Variants in PRSS3 observed in about 807,000 individuals in gnomAD.
PRSS3 encodes the protein trypsin-3.
In PRSS3, 14 loss-of-function variants were observed where a neutral mutation model predicts 20.8. The observed-to-expected ratio is 0.67, with a 90% confidence interval of 0.44 to 1.05. The LOEUF is 1.05. PRSS3 is among the 50% of genes least tolerant of loss of function. PRSS3 has a pLI of 0.00. For synonymous variants in PRSS3, 91 were observed against 117.6 expected, an observed-to-expected ratio of 0.77 and a Z score of 1.46; for missense variants, 237 against 306.4, an observed-to-expected ratio of 0.77 and a Z score of 1.69.
chr9:33,795,676 C>A, intron 1 of PRSS3, 63 bp downstream of exon 1: 8 of 1,569,182 alleles, frequency 5.1e-6, no homozygotes, highest in Non-Finnish European at 6.1e-6. Flanking sequence ...CATGCCCTGC[C>A]ATTCTTGCCA....
At chr9:33,756,693 G>A (rs1184952944) in intron 1 of PRSS3, among the ~76,000 whole-genome samples, 2 of 152,092 alleles carry the variant, frequency 1.3e-5, no homozygotes, top group Non-Finnish European at 2.9e-5. Flanking sequence ...TTTTATTGGC[G>A]AGAGGTGTGG....
intron 1 of PRSS3, among the ~76,000 whole-genome samples, chr9:33,781,956 G>A (rs923999205): frequency 6.6e-6 from 1 of 152,220 alleles, no homozygotes; most frequent in Non-Finnish European, 1.5e-5. Flanking sequence ...AGTCTTTGAA[G>A]GGAGTTGCAG....
chr9:33,767,184 G>A (rs1431868871), intron 1 of PRSS3, among the ~76,000 whole-genome samples: 1 of 152,192 alleles, frequency 6.6e-6, no homozygotes, highest in Non-Finnish European at 1.5e-5. Context: ...GCCAGGCCTG[G>A]TGGCTCACAC....
chr9:33,777,616 G>A (rs991796524), intron 1 of PRSS3, among the ~76,000 whole-genome samples: 1 of 150,014 alleles, frequency 6.7e-6, no homozygotes. Context: ...GCTGAGGCAG[G>A]AAAATGGCGT....
chr9:33,785,255 G>A (rs1824350825), intron 1 of PRSS3, among the ~76,000 whole-genome samples: 1 of 131,016 alleles, frequency 7.6e-6, no homozygotes, highest in South Asian at 2.6e-4. Flanking sequence ...TTGGCTCACT[G>A]CAAGCTCCGC....
In PRSS3 at chr9:33,779,344, C is replaced by T. The variant is rs937808875; in HGVS notation, c.-52-15402C>T. 3.3e-5 allele frequency among the ~76,000 whole-genome samples: 5 copies of T among 152,204 alleles called. No homozygotes were observed. In the South Asian group the frequency reaches 8.3e-4, roughly 25 times the overall value. On this transcript the variant is annotated intron_variant, in intron 1 of 5. Transcript: ENST00000342836. ...CTCAATCCAAGGAATCCAAGTAACC[C>T]GGTAAAATGATCCAAGAACTGAAAG...
At chr9:33,774,887 G>A (rs956921609) in intron 1 of PRSS3, among the ~76,000 whole-genome samples, 1 of 152,110 alleles carries the variant, frequency 6.6e-6, no homozygotes, top group Admixed American at 6.5e-5. Context: ...TTGGAAGGCT[G>A]AGGCAGGAGA....
At chr9:33,760,857 T>A (rs1156404953) in intron 1 of PRSS3, among the ~76,000 whole-genome samples, 1 of 152,002 alleles carries the variant, frequency 6.6e-6, no homozygotes, top group Non-Finnish European at 1.5e-5. Flanking sequence ...TCTGACTCAG[T>A]GGCCAGTGTT....
chr9:33,799,147 C>G lies in PRSS3; in HGVS notation c.711C>G (p.Asp237Glu), dbSNP rs1386677880. 2 of 1,614,086 alleles carry G rather than the reference C, an allele frequency of 1.2e-6. No individual in the cohort carries two copies. Among genetic ancestry groups the G allele is most frequent in the Admixed American group, 3.3e-5 (2 of 60,010 alleles). The change falls in exon 5 of 5, where the codon GAC becomes GAG. Residue 237 changes from aspartate to glutamate, a missense_variant. Transcript: ENST00000379405. ...ACACCAAGGTCTACAACTATGTGGACTGGATTAAGGACACCATCGCTGCCA... is the reference window on the plus strand; with the variant it reads ...ACACCAAGGTCTACAACTATGTGGAGTGGATTAAGGACACCATCGCTGCCA... ...GVYTKVYNYV[D>E]WIKDTIAANS
chr9:33,791,277 G>C (rs1460990792), upstream of PRSS3, among the ~76,000 whole-genome samples: 1 of 152,220 alleles, frequency 6.6e-6, no homozygotes, highest in Non-Finnish European at 1.5e-5. Context: ...GTGGCTCTGG[G>C]GTGGAAGGTT....
chr9:33,791,826 T>C (rs1824645071), upstream of PRSS3, among the ~76,000 whole-genome samples: 2 of 152,174 alleles, frequency 1.3e-5, no homozygotes, highest in South Asian at 4.1e-4. Flanking sequence ...TACCCATACA[T>C]GGAAGCCTGA....
chr9:33,797,806 A>G (rs1382623439), intron 2 of PRSS3, 23 bp from the exon 3 acceptor site: 2 of 1,614,108 alleles, frequency 1.2e-6, no homozygotes, highest in African/African-American at 1.3e-5. Context: ...GAAGGTCTTC[A>G]CCATGCCTGC....
intron 1 of PRSS3, chr9:33,761,977 A>G (rs1432856317): frequency 2.0e-5 from 3 of 152,204 alleles, no homozygotes; most frequent in Non-Finnish European, 2.9e-5. Context: ...ACCTGACTGT[A>G]TACAGCTCTC....
chr9:33,787,656 G>C (rs1824466713), intron 1 of PRSS3, among the ~76,000 whole-genome samples: 1 of 152,174 alleles, frequency 6.6e-6, no homozygotes, highest in Admixed American at 6.5e-5. Context: ...CCTGCTGCTT[G>C]GGCCATAGAC....
chr9:33,754,047 C>A (rs76557466), intron 1 of PRSS3, among the ~76,000 whole-genome samples: 5,728 of 151,140 alleles, frequency 0.038, 149 homozygotes, highest in Non-Finnish European at 0.054. Context: ...TTTTTCTTTT[C>A]TTTTCTCTCT....
At chr9:33,775,361 G>A (rs1823875347) in intron 1 of PRSS3, among the ~76,000 whole-genome samples, 1 of 152,178 alleles carries the variant, frequency 6.6e-6, no homozygotes, top group Non-Finnish European at 1.5e-5. Context: ...TGGCTGGGGG[G>A]TTGAAAATCC....
Position 33,796,717 on chromosome 9 carries a change from G to A in PRSS3, c.115G>A (p.Val39Met), listed in dbSNP as rs143037213. 3 of 1,614,008 alleles carry A rather than the reference G, an allele frequency of 1.9e-6. No homozygotes were observed. Among genetic ancestry groups the A allele is most frequent in the African/African-American group, 1.3e-5 (1 of 75,050 alleles). ...TGAGGAGAATTCTCTCCCCTACCAG[G>A]TGTCCCTGAATTCTGGCTCCCACTT... ...TCEENSLPYQ[V>M]SLNSGSHFCG... Residue 39 changes from valine (V) to methionine (M), a missense_variant, in exon 2 of 5, where the codon GTG becomes ATG. Coordinates refer to ENST00000379405, the MANE Select transcript of PRSS3 (RefSeq NM_002771.4).
Position 33,753,465 on chromosome 9 carries a change from G to A in PRSS3, c.-53+2738G>A, listed in dbSNP as rs1320891382. Among the ~76,000 whole-genome samples, 3 of 152,318 alleles carry A rather than the reference G, an allele frequency of 2.0e-5. No homozygotes were observed. In the South Asian group the frequency reaches 6.2e-4, roughly 32 times the overall value. ...AGATTATTGCTCCTTCTGTCATGTGGTCTCTTGAGAATTTGCCAAATGTAT... is the reference window on the plus strand; with the variant it reads ...AGATTATTGCTCCTTCTGTCATGTGATCTCTTGAGAATTTGCCAAATGTAT... On this transcript the variant is annotated intron_variant, in intron 1 of 5. Coordinates refer to the PRSS3 transcript ENST00000342836.
At chr9:33,775,470 C>A in intron 1 of PRSS3, among the ~76,000 whole-genome samples, 1 of 151,658 alleles carries the variant, frequency 6.6e-6, no homozygotes, top group East Asian at 1.9e-4. Context: ...TTGGGGCAAG[C>A]AGCAGGCCAA....
Sources: gnomAD v4.1 joint callset for allele counts (sites outside exome capture counted in the v4.1 genomes callset) on GRCh38, gnomAD v4.1.1 for gene constraint, MANE v1.5 for transcripts, NCBI Gene and HGNC (gene_info 2026-07-23, HGNC 2026-07-21) for gene names.